ZMAT4: variants seen among roughly 807,000 people sequenced by gnomAD.
ZMAT4 encodes the protein zinc finger matrin-type protein 4.
ZMAT4 carries 17 observed loss-of-function variants against 28.7 expected under a neutral mutation model. The ratio of observed to expected loss-of-function variants is 0.59; its 90% CI spans 0.41 to 0.89. The LOEUF (loss-of-function observed/expected upper bound fraction) is 0.89, where lower values mean the gene tolerates loss of function less well. Ranked by LOEUF, ZMAT4 falls within the 40% of genes least tolerant of loss-of-function variation. The probability of loss-of-function intolerance (pLI) is 0.00; values close to 1 mark genes in which losing one functional copy is unlikely to be tolerated. For missense variants in ZMAT4, 240 were observed against 283.8 expected (o/e 0.85, Z 1.11); for synonymous variants, 117 against 109.2 (o/e 1.07, Z -0.44).
chr8:40,574,212 T>G (rs1804188969), intron 6 of ZMAT4, among the ~76,000 whole-genome samples: 1 of 151,998 alleles, frequency 6.6e-6, no homozygotes, highest in African/African-American at 2.4e-5. Context: ...GAAGAGTTAG[T>G]GTAGTTGATG....
intron 5 of ZMAT4, among the ~76,000 whole-genome samples, chr8:40,624,686 C>CATAT (rs1806309431): frequency 2.0e-5 from 3 of 152,184 alleles, no homozygotes; most frequent in African/African-American, 7.2e-5. Context: ...ATATCCTCTT[C>CATAT]CTGCCTAGGA....
chr8:40,745,051 G>A (rs1416305990), intron 3 of ZMAT4, among the ~76,000 whole-genome samples: 1 of 152,156 alleles, frequency 6.6e-6, no homozygotes, highest in African/African-American at 2.4e-5. Flanking sequence ...AGGGGGAGTT[G>A]ATAAAAGCGT....
At chr8:40,767,552 T>C (rs750293301) in intron 3 of ZMAT4, 89 bp downstream of exon 3, 211 of 1,058,232 alleles carry the variant, frequency 2.0e-4, no homozygotes, top group Non-Finnish European at 2.6e-4. Flanking sequence ...TTTCTATGAA[T>C]CTGGACTAGA....
At chr8:40,578,133 A>T (rs1804330213) in intron 6 of ZMAT4, among the ~76,000 whole-genome samples, 1 of 152,132 alleles carries the variant, frequency 6.6e-6, no homozygotes. Flanking sequence ...TCAAGACACT[A>T]TAAAATTATA....
At chr8:40,567,352 G>A (rs1803954520) in intron 6 of ZMAT4, among the ~76,000 whole-genome samples, 1 of 152,082 alleles carries the variant, frequency 6.6e-6, no homozygotes, top group African/African-American at 2.4e-5. Context: ...ATTTATATAA[G>A]TTTATATTCT....
intron 1 of ZMAT4, among the ~76,000 whole-genome samples, chr8:40,895,717 G>A: frequency 6.6e-6 from 1 of 151,978 alleles, no homozygotes; most frequent in East Asian, 1.9e-4. Context: ...TATCACGATA[G>A]AAATCCAACA....
chr8:40,535,096 T>A (rs1802805905), intron 6 of ZMAT4, among the ~76,000 whole-genome samples: 2 of 152,144 alleles, frequency 1.3e-5, no homozygotes, highest in African/African-American at 4.8e-5. Flanking sequence ...TACCTCTGCC[T>A]TCCCAAAAGA....
chr8:40,762,283 G>C (rs1385508882), intron 3 of ZMAT4, among the ~76,000 whole-genome samples: 1 of 152,160 alleles, frequency 6.6e-6, no homozygotes, highest in African/African-American at 2.4e-5. Flanking sequence ...TTAAGAAGAT[G>C]TCATGTTGGA....
At chr8:40,681,750 T>C (rs1809173587) in intron 4 of ZMAT4, among the ~76,000 whole-genome samples, 1 of 152,206 alleles carries the variant, frequency 6.6e-6, no homozygotes, top group Admixed American at 6.6e-5. Flanking sequence ...ATAAATATTA[T>C]AGCTAAACAT....
chr8:40,689,463 A>T (rs1809564088), intron 4 of ZMAT4, among the ~76,000 whole-genome samples: 1 of 152,214 alleles, frequency 6.6e-6, no homozygotes, highest in Non-Finnish European at 1.5e-5. Context: ...ATTTGCACCT[A>T]TTGCATCTGA....
chr8:40,605,305 T>C (rs952108021), intron 5 of ZMAT4, among the ~76,000 whole-genome samples: 2 of 152,190 alleles, frequency 1.3e-5, no homozygotes, highest in African/African-American at 4.8e-5. Flanking sequence ...GACTTTTTGA[T>C]GTAGGCAGTT....
intron 1 of ZMAT4, among the ~76,000 whole-genome samples, chr8:40,834,142 C>T (rs1816392735): frequency 6.6e-6 from 1 of 152,218 alleles, no homozygotes. Flanking sequence ...GCACATGCAC[C>T]TCACCCCAGC....
intron 4 of ZMAT4, among the ~76,000 whole-genome samples, chr8:40,695,637 G>T (rs902183822): frequency 5.3e-5 from 8 of 152,192 alleles, no homozygotes; most frequent in Non-Finnish European, 1.0e-4. Flanking sequence ...ATGTATTGAT[G>T]ATGGCTAACA....
At chr8:40,766,365 G>A (rs772721797) in intron 3 of ZMAT4, among the ~76,000 whole-genome samples, 7 of 152,138 alleles carry the variant, frequency 4.6e-5, no homozygotes, top group Non-Finnish European at 8.8e-5. Flanking sequence ...GTCACAGTAC[G>A]CCTCCTATCT....
chr8:40,689,203 G>A (rs1481026628), intron 4 of ZMAT4, among the ~76,000 whole-genome samples: 4 of 152,320 alleles, frequency 2.6e-5, no homozygotes, highest in African/African-American at 9.6e-5. Flanking sequence ...CCCCAGGGCT[G>A]GACCTCCAGC....
chr8:40,820,727 G>A (rs1302696200), intron 2 of ZMAT4, among the ~76,000 whole-genome samples: 1 of 478 alleles, frequency 2.1e-3, no homozygotes, highest in African/African-American at 8.2e-3. Flanking sequence ...ACGTGTGTAT[G>A]TCTGTGTATG....
intron 1 of ZMAT4, among the ~76,000 whole-genome samples, chr8:40,877,438 C>T (rs967876630): frequency 2.0e-5 from 3 of 152,186 alleles, no homozygotes; most frequent in Non-Finnish European, 2.9e-5. Context: ...AAGGCTGGAA[C>T]GATTGGCTGC....
At chr8:40,785,914 T>C (rs187935921) in intron 2 of ZMAT4, among the ~76,000 whole-genome samples, 43 of 152,312 alleles carry the variant, frequency 2.8e-4, no homozygotes, top group African/African-American at 9.4e-4. Flanking sequence ...AGAAATGTAC[T>C]AAGATTCTGA....
intron 4 of ZMAT4, among the ~76,000 whole-genome samples, chr8:40,680,041 C>T (rs1192846799): frequency 1.3e-5 from 2 of 152,142 alleles, no homozygotes; most frequent in African/African-American, 4.8e-5. Context: ...GCCCTGGTGG[C>T]TAAATTGCAG....
Sources: allele counts gnomAD v4.1 joint callset (sites outside exome capture counted in the v4.1 genomes callset), GRCh38; gene constraint gnomAD v4.1.1; transcripts MANE v1.5; gene names NCBI Gene and HGNC (gene_info 2026-07-23, HGNC 2026-07-21).